KDM5C: variants seen among roughly 807,000 people sequenced by gnomAD.
KDM5C encodes the protein lysine demethylase 5C, also known as lysine-specific demethylase 5C.
A neutral mutation model predicts 110.6 loss-of-function variants in KDM5C; 16 were observed. The observed-to-expected ratio is 0.14, with a 90% confidence interval of 0.10 to 0.22. The LOEUF is 0.22. Among genes scored for constraint, KDM5C ranks in the 10% least tolerant of loss-of-function variants. KDM5C has a pLI of 1.00. For missense variants in KDM5C, 681 were observed against 1,300.9 expected (o/e 0.52, Z 7.33); for synonymous variants, 511 against 520.4 (o/e 0.98, Z 0.24).
At chrX:53,199,288 C>A (rs1318579024) in intron 14 of KDM5C, 130 bp from the exon 15 acceptor site, 6 of 645,983 alleles carry the variant, frequency 9.3e-6, no homozygotes, top group Admixed American at 5.2e-5. Flanking sequence ...GAGGCCAAAC[C>A]CCAGGGAGCA....
chrX:53,199,802 G>A (rs1341649040), intron 14 of KDM5C, among the ~76,000 whole-genome samples: 1 of 112,022 alleles, frequency 8.9e-6, no homozygotes, highest in Non-Finnish European at 1.9e-5. Flanking sequence ...GAGTAATCGA[G>A]AGACAACCCA....
At chrX:53,187,869 C>T (rs1934271630), downstream of KDM5C, among the ~76,000 whole-genome samples, 1 of 109,054 alleles carries the variant, frequency 9.2e-6, no homozygotes, top group Admixed American at 9.8e-5. Flanking sequence ...AAGCGATTCT[C>T]CTGCCTCAGC....
downstream of KDM5C, chrX:53,191,565 CAG>C (rs1344362294): frequency 5.8e-6 from 1 of 173,193 alleles, no homozygotes; most frequent in East Asian, 8.1e-5. Flanking sequence ...AAAGTGAACT[CAG>C]GGGTTGCAAA....
chrX:53,182,065 G>A (rs1346083467), intron 25 of KDM5C, among the ~76,000 whole-genome samples: 1 of 110,812 alleles, frequency 9.0e-6, no homozygotes, highest in African/African-American at 3.3e-5. Flanking sequence ...TGGGATTACA[G>A]GCATGAGCCA....
intron 12 of KDM5C, 69 bp downstream of exon 12, chrX:53,210,345 C>T (rs1416019258): frequency 4.3e-6 from 5 of 1,163,130 alleles, no homozygotes; most frequent in South Asian, 1.8e-5. Context: ...CAACCACCGC[C>T]ACCACCACCA....
chrX:53,217,158 C>T lies in KDM5C; in HGVS notation c.642G>A (p.Lys214=), dbSNP rs2146945745. Residue 214 remains lysine (K), a synonymous_variant, in exon 5 of 26, where the codon AAG becomes AAA. Transcript: ENST00000375401. ...GAGTACTCACATCAGGCTGCAGTCT[C>T]TTGGCCCGCCGGCCATAGCTGTTGA... ...SKFNSYGRRA[K]RLQPDPEPTE... 8.3e-7 allele frequency: 1 copy of T among 1,208,648 alleles called. No homozygotes were observed. The highest frequency in any genetic ancestry group is 3.0e-5 in the East Asian group (1 of 33,779).
At chrX:53,220,327 C>G (rs2073861960) in intron 2 of KDM5C, among the ~76,000 whole-genome samples, 1 of 111,762 alleles carries the variant, frequency 8.9e-6, no homozygotes, top group Non-Finnish European at 1.9e-5. Context: ...CCTGCCTGAC[C>G]CCTGGCCAAG....
Position 53,192,339 on chromosome X carries a change from CA to C in KDM5C, c.*627del, listed in dbSNP as rs1226856322. ...ATGAACCCAGGAGGAGGAAAGGAGA[CA>C]GGGGAGGACAGGGAGGGAGGACTGA... On this transcript the variant is annotated 3_prime_UTR_variant, in exon 26 of 26. Coordinates refer to ENST00000375401, the MANE Select transcript of KDM5C (RefSeq NM_004187.5). 1.1e-5 allele frequency: 2 copies of C among 178,164 alleles called. No homozygotes were observed. Among genetic ancestry groups the C allele is most frequent in the East Asian group, 8.0e-5 (1 of 12,458 alleles). The allele number at this position is 178,164 out of a possible 1,213,427, so 14.7% of individuals were successfully genotyped here. A position where few individuals can be genotyped will look rare whatever the true frequency, so the allele number is the denominator to read the frequency against.
chrX:53,201,412 G>T, intron 14 of KDM5C, 138 bp downstream of exon 14: 1 of 584,972 alleles, frequency 1.7e-6, no homozygotes, highest in Non-Finnish European at 2.9e-6. Flanking sequence ...AGCAGAGAAT[G>T]GTATGTGGTT....
At chrX:53,204,315 A>G (rs2073252456) in intron 12 of KDM5C, among the ~76,000 whole-genome samples, 1 of 103,935 alleles carries the variant, frequency 9.6e-6, no homozygotes, top group African/African-American at 3.6e-5. Context: ...CAAGTGGAGA[A>G]TGATGGCTGG....
At chrX:53,221,971 G>T (rs905789669) in intron 1 of KDM5C, among the ~76,000 whole-genome samples, 1 of 111,818 alleles carries the variant, frequency 8.9e-6, no homozygotes, top group Non-Finnish European at 1.9e-5. Flanking sequence ...CCTTCCCAGA[G>T]CCCTGGCTCC....
At position 53,192,763 on chromosome X, in the gene KDM5C, C is replaced by A; in HGVS notation, c.*204G>T. On this transcript the variant is annotated 3_prime_UTR_variant, in exon 26 of 26. Transcript: ENST00000375401. ...TAGAGGCTACCAGGGAGGGAAGACT[C>A]CAGGGGCCGGCCCCCAGGAGCTGAG... 1 of 1,161,897 alleles carries A rather than the reference C, an allele frequency of 8.6e-7. No homozygotes were observed. The highest frequency in any genetic ancestry group is 1.8e-5 in the African/African-American group (1 of 55,554).
intron 2 of KDM5C, 70 bp downstream of exon 2, chrX:53,220,769 A>G (rs1418927283): frequency 3.4e-6 from 3 of 888,861 alleles, no homozygotes; most frequent in Non-Finnish European, 4.9e-6. Flanking sequence ...CAGAGAAACT[A>G]TAAGGGAAGT....
chrX:53,208,339 A>C (rs1445483950), intron 12 of KDM5C, among the ~76,000 whole-genome samples: 4 of 106,329 alleles, frequency 3.8e-5, no homozygotes, highest in African/African-American at 1.4e-4. Flanking sequence ...TTCTGTGATA[A>C]AGTTTTTTAA....
In KDM5C at chrX:53,222,194, G is replaced by A. The variant is rs781842703; in HGVS notation, c.151-1278C>T. 1.8e-4 allele frequency among the ~76,000 whole-genome samples: 20 copies of A among 109,707 alleles called. No individual in the cohort carries two copies. In the East Asian group the frequency reaches 2.0e-3, roughly 11 times the overall value. On this transcript the variant is annotated intron_variant, in intron 1 of 25. Transcript: ENST00000375401. Reference sequence around the variant, plus strand: ...CATACATACATGCATACACGTGGGCGGGGGGGAGAGACAGTGAAAGAGAAG... The same window carrying A: ...CATACATACATGCATACACGTGGGCAGGGGGGAGAGACAGTGAAAGAGAAG...
At chrX:53,221,506 C>T (rs2073896934) in intron 1 of KDM5C, among the ~76,000 whole-genome samples, 1 of 112,183 alleles carries the variant, frequency 8.9e-6, no homozygotes. Context: ...AAGGAGTCAC[C>T]GTTATGACCT....
In KDM5C at chrX:53,196,808, C is replaced by T; in HGVS notation, c.2859G>A (p.Leu953=). 1 of 1,211,879 alleles carries T rather than the reference C, an allele frequency of 8.3e-7. No homozygotes were observed. Among genetic ancestry groups the T allele is most frequent in the Non-Finnish European group, 1.1e-6 (1 of 895,211 alleles). Residue 953 remains leucine, a synonymous_variant, in exon 19 of 26, where the codon CTG becomes CTA. Transcript: ENST00000375401. ...GGGCTACACTGGCACCCGCGACCAACAGTCCTCGCATGACAGCCAAGGTGC... is the reference window on the plus strand; with the variant it reads ...GGGCTACACTGGCACCCGCGACCAATAGTCCTCGCATGACAGCCAAGGTGC... ...RRGTLAVMRG[L]LVAGASVAPS... is the part of the protein sequence containing the mutation.
At chrX:53,189,725 C>T (rs1431807362), downstream of KDM5C, among the ~76,000 whole-genome samples, 1 of 112,845 alleles carries the variant, frequency 8.9e-6, no homozygotes, top group Non-Finnish European at 1.9e-5. Context: ...ATGCTCCTAC[C>T]TCCTTCTAAG....
rs201309235 is a variant in KDM5C, at chrX:53,214,286, AC to A, written c.1122+402del. 2.6e-3 allele frequency: 353 copies of A among 136,215 alleles called. 2 individuals carry two copies. Among genetic ancestry groups the A allele is most frequent in the African/African-American group, 0.011 (329 of 31,131 alleles). The allele number at this position is 136,215 out of a possible 1,213,427, so 11.2% of individuals were successfully genotyped here. ...AACTTTCTAAAAAAGAAAAAAAAAA[AC>A]AAAACAAAAACTCAGAAATTGAAAG... On this transcript the variant is annotated intron_variant, in intron 8 of 25. Transcript: ENST00000375401.
Sources: gnomAD v4.1 joint callset for allele counts (sites outside exome capture counted in the v4.1 genomes callset) on GRCh38, gnomAD v4.1.1 for gene constraint, MANE v1.5 for transcripts, NCBI Gene and HGNC (gene_info 2026-07-23, HGNC 2026-07-21) for gene names.